The following TBX15 variants were observed in gnomAD, a reference collection of about 807,000 sequenced individuals.
TBX15 encodes the protein T-box transcription factor 15.
Under a neutral mutation model 53.9 loss-of-function variants are expected in TBX15, and 18 were observed. The observed-to-expected ratio is 0.33, with a 90% CI of 0.23 to 0.49. The LOEUF (loss-of-function observed/expected upper bound fraction) is 0.49, where lower values mean the gene tolerates loss of function less well. TBX15 is among the 20% of genes least tolerant of loss of function. TBX15 has a pLI of 0.98. For missense variants in TBX15, 692 were observed against 749.5 expected (o/e 0.92, Z 0.90); for synonymous variants, 295 against 278.0 (o/e 1.06, Z -0.61).
At position 118,923,569 on chromosome 1, in the gene TBX15, C is replaced by A. The variant is rs138218981; in HGVS notation, c.728G>T (p.Arg243Leu). 5 of 1,613,890 alleles carry A rather than the reference C, an allele frequency of 3.1e-6. No individual in the cohort carries two copies. Among genetic ancestry groups the A allele is most frequent in the Non-Finnish European group, 4.2e-6 (5 of 1,179,900 alleles). Residue 243 changes from arginine to leucine, a missense_variant, in exon 5 of 8, where the codon CGA (arginine) becomes CTA (leucine). Arg to Leu is a moderately radical substitution (Grantham distance 102). Coordinates refer to ENST00000369429, the MANE Select transcript of TBX15 (RefSeq NM_001330677.2). Reference protein sequence around the residue: ...ILHSMHKYQPRVHVIRKDFSS... With the variant: ...ILHSMHKYQPLVHVIRKDFSS... ...GAAGTCTTTGCGAATCACATGAACT[C>A]GAGGCTGGTATTTGTGCATAGAGTG... is the stretch of plus-strand genomic sequence containing the variant.
intron 2 of TBX15, among the ~76,000 whole-genome samples, 177 bp downstream of exon 2, chr1:118,931,442 T>C (rs576412326): frequency 1.8e-4 from 27 of 152,262 alleles, no homozygotes; most frequent in African/African-American, 6.0e-4. Context: ...AGGAAAATAA[T>C]ACAATCACAA....
chr1:118,911,288 T>G (rs1274972239), intron 6 of TBX15, among the ~76,000 whole-genome samples: 1 of 152,212 alleles, frequency 6.6e-6, no homozygotes, highest in South Asian at 2.1e-4. Context: ...TGATAAAATT[T>G]CTGATAGTAC....
Position 118,884,016 on chromosome 1 carries a change from G to A in TBX15, c.*716C>T, listed in dbSNP as rs926520149. On this transcript the variant is annotated 3_prime_UTR_variant, in exon 8 of 8. Coordinates refer to ENST00000369429, the MANE Select transcript of TBX15 (RefSeq NM_001330677.2). ...TCCCTCTTTCCACGGGCACCACTGGGAATATCAATGATAGCATACAAGTGA... is the reference window on the plus strand; with the variant it reads ...TCCCTCTTTCCACGGGCACCACTGGAAATATCAATGATAGCATACAAGTGA... 1 of 152,888 alleles carries A rather than the reference G, an allele frequency of 6.5e-6. No individual in the cohort carries two copies. Among genetic ancestry groups the A allele is most frequent in the African/African-American group, 2.4e-5 (1 of 41,398 alleles). 9.5% of individuals were successfully genotyped at this position (152,888 alleles called of 1,614,324 possible).
At position 118,987,982 on chromosome 1, in the gene TBX15, C is replaced by G; in HGVS notation, c.-187G>C. On this transcript the variant is annotated 5_prime_UTR_variant, in exon 1 of 8. Transcript: ENST00000369429. The stretch of plus-strand genomic sequence containing the variant: ...CCTCCTCCGCCCTCCTCTGCCGGAT[C>G]CGACCTGCGCCCCTACGCTGGCCCA... 1 of 719,158 alleles carries G rather than the reference C, an allele frequency of 1.4e-6. No individual in the cohort carries two copies. The highest frequency in any genetic ancestry group is 1.9e-5 in the South Asian group (1 of 52,580). The allele number at this position is 719,158 out of a possible 1,614,324, so 44.5% of individuals were successfully genotyped here.
rs998168911 is a variant in TBX15, at chr1:118,884,619, A to C, written c.*113T>G. ...GTCTTCGGCCAGAAAAAAAAAAAAA[A>C]AAAAAACACGGTTCCTGTTTTTCAA... On this transcript the variant is annotated 3_prime_UTR_variant, in exon 8 of 8. Coordinates refer to ENST00000369429, the MANE Select transcript of TBX15 (RefSeq NM_001330677.2). 49 of 1,353,588 alleles carry C rather than the reference A, an allele frequency of 3.6e-5. No homozygotes were observed. The highest frequency in any genetic ancestry group is 7.4e-5 in the African/African-American group (5 of 67,384). The allele number at this position is 1,353,588 out of a possible 1,614,324, so 83.8% of individuals were successfully genotyped here.
chr1:118,902,903 C>T (rs1654681768), intron 6 of TBX15, among the ~76,000 whole-genome samples: 1 of 152,088 alleles, frequency 6.6e-6, no homozygotes, highest in Admixed American at 6.6e-5. Context: ...ATTTTATCTC[C>T]AAGTTTTTAA....
chr1:118,900,880 C>G (rs540165477), intron 6 of TBX15, among the ~76,000 whole-genome samples: 1 of 152,148 alleles, frequency 6.6e-6, no homozygotes, highest in African/African-American at 2.4e-5. Flanking sequence ...TCTTAGGATT[C>G]CCTTTAATGG....
intron 3 of TBX15, 39 bp downstream of exon 3, chr1:118,926,471 G>T: frequency 1.3e-6 from 2 of 1,551,232 alleles, no homozygotes; most frequent in Non-Finnish European, 1.8e-6. Flanking sequence ...TTGGAATGCT[G>T]GTGATACCCA....
intron 1 of TBX15, among the ~76,000 whole-genome samples, chr1:118,956,762 C>T (rs1003049931): frequency 6.7e-6 from 1 of 150,218 alleles, no homozygotes; most frequent in African/African-American, 2.5e-5. Context: ...ACCATCCTGG[C>T]TAACACGGTG....
chr1:118,930,738 G>A (rs1198692666), intron 2 of TBX15, among the ~76,000 whole-genome samples: 6 of 152,168 alleles, frequency 3.9e-5, no homozygotes, highest in Non-Finnish European at 7.3e-5. Flanking sequence ...TATCTAAATC[G>A]TTTCATTTTG....
At chr1:118,979,072 G>T (rs73009558) in intron 1 of TBX15, among the ~76,000 whole-genome samples, 2,111 of 152,280 alleles carry the variant, frequency 0.014, 50 homozygotes, top group African/African-American at 0.048. Flanking sequence ...AAGCTTTGGA[G>T]CAAGGATGCA....
chr1:118,886,024 C>T (rs894611918), intron 7 of TBX15, among the ~76,000 whole-genome samples: 9 of 152,124 alleles, frequency 5.9e-5, no homozygotes, highest in African/African-American at 2.2e-4. Context: ...ACGCGGGACC[C>T]TAATCACAGA....
chr1:118,935,367 T>G (rs1395403020), intron 1 of TBX15, among the ~76,000 whole-genome samples: 2 of 152,182 alleles, frequency 1.3e-5, no homozygotes, highest in Admixed American at 6.6e-5. Flanking sequence ...AACACCTCTG[T>G]GTTTTCAAGG....
chr1:118,965,125 A>G (rs1451188931), intron 1 of TBX15, among the ~76,000 whole-genome samples: 1 of 152,182 alleles, frequency 6.6e-6, no homozygotes, highest in Non-Finnish European at 1.5e-5. Context: ...GCCATTTCTT[A>G]TTTACTCAAC....
At chr1:118,949,421 G>A (rs1007587572) in intron 1 of TBX15, among the ~76,000 whole-genome samples, 1 of 152,202 alleles carries the variant, frequency 6.6e-6, no homozygotes, top group Non-Finnish European at 1.5e-5. Flanking sequence ...ACACAGTTGT[G>A]GTTTTAATGG....
At chr1:118,922,322 C>T (rs1209523509) in intron 5 of TBX15, among the ~76,000 whole-genome samples, 4 of 152,138 alleles carry the variant, frequency 2.6e-5, no homozygotes, top group Admixed American at 6.5e-5. Flanking sequence ...CCTCCAATTT[C>T]GAACAATGCA....
Position 118,931,795 on chromosome 1 carries a change from G to T in TBX15, c.243C>A (p.Leu81=), listed in dbSNP as rs1161806475. 1 of 1,597,814 alleles carries T rather than the reference G, an allele frequency of 6.3e-7. No individual in the cohort carries two copies. Among genetic ancestry groups the T allele is most frequent in the South Asian group, 1.1e-5 (1 of 89,378 alleles). ...EQSTGSDSEV[L]TERTSCSFST... is the part of the protein sequence containing the mutation. ...TGAAGGAGCAGGAAGTCCGCTCAGT[G>T]AGGACCTCAGAATCTGAACCAGTGC... is the stretch of plus-strand genomic sequence containing the variant. Residue 81 remains leucine (L), a synonymous_variant, in exon 2 of 8, where the codon CTC becomes CTA. Transcript: ENST00000369429.
rs1308514297 is a variant in TBX15, at chr1:118,884,603, C to CAAA, written c.*128_*129insTTT. 3.3e-6 allele frequency: 3 copies of CAAA among 910,682 alleles called. No homozygotes were observed. The highest frequency in any genetic ancestry group is 1.7e-5 in the South Asian group (1 of 59,396). 56.4% of individuals were successfully genotyped at this position (910,682 alleles called of 1,614,324 possible). A position where few individuals can be genotyped will look rare whatever the true frequency, so the allele number is the denominator to read the frequency against. Reference sequence around the variant, plus strand: ...TTGTTCTTGGGTATATGTCTTCGGCCAGAAAAAAAAAAAAAAAAAAAACAC... The same window carrying CAAA: ...TTGTTCTTGGGTATATGTCTTCGGCCAAAAGAAAAAAAAAAAAAAAAAAAACAC... On this transcript the variant is annotated 3_prime_UTR_variant, in exon 8 of 8. Coordinates refer to ENST00000369429, the MANE Select transcript of TBX15 (RefSeq NM_001330677.2).
Position 118,884,776 on chromosome 1 carries a change from C to T in TBX15, c.1765G>A (p.Ala589Thr). The change falls in exon 8 of 8, where the codon GCA becomes ACA. Residue 589 changes from alanine to threonine, a missense_variant. Ala to Thr is a moderately conservative substitution (Grantham distance 58). Around this residue, in one of 3 missense-constraint regions of TBX15, gnomAD observed 375 missense variants for 371.6 expected, o/e 1.01. Coordinates refer to ENST00000369429, the MANE Select transcript of TBX15 (RefSeq NM_001330677.2). ...TNTCDGRQYG[A>T]VPGSSSQMSV... ...ATCTGGGAGGAGGAGCCTGGAACTG[C>T]CCCATACTGCCGGCCATCACAAGTG... The T allele has an allele frequency of 1.2e-6, 2 of 1,614,064 alleles. No individual in the cohort carries two copies. The highest frequency in any genetic ancestry group is 1.7e-6 in the Non-Finnish European group (2 of 1,179,992).
Sources: allele counts gnomAD v4.1 joint callset (sites outside exome capture counted in the v4.1 genomes callset), GRCh38; gene constraint gnomAD v4.1.1; regional missense constraint gnomAD v4.1.1; transcripts MANE v1.5; gene names NCBI Gene and HGNC (gene_info 2026-07-23, HGNC 2026-07-21).